TJP3: variants seen among roughly 807,000 people sequenced by gnomAD.
The protein encoded by TJP3 is tight junction protein 3.
In TJP3, 85 loss-of-function variants were observed where a neutral mutation model predicts 104.2. The ratio of observed to expected loss-of-function variants is 0.82; its 90% CI spans 0.68 to 0.98. The LOEUF is 0.98. TJP3 is among the 50% of genes least tolerant of loss of function. TJP3 has a pLI of 0.00. For synonymous variants in TJP3, 550 were observed against 550.6 expected (o/e 1.00, Z 0.02); for missense variants, 1,367 against 1,322.8 (o/e 1.03, Z -0.52).
Position 3,740,728 on chromosome 19 carries a change from G to A in TJP3, c.1808G>A (p.Arg603His), listed in dbSNP as rs781034609. 8.1e-6 allele frequency: 13 copies of A among 1,595,566 alleles called. No homozygotes were observed. The highest frequency in any genetic ancestry group is 1.1e-5 in the South Asian group (1 of 89,496). ...CTCTCAGCTCTGACCCGACAGGGCC[G>A]CTACCCGCCCTACGAACGAGTGGTG... is the stretch of plus-strand genomic sequence containing the variant. Reference protein sequence around the residue: ...EDLSALTRQGRYPPYERVVLR... With the variant: ...EDLSALTRQGHYPPYERVVLR... Residue 603 changes from arginine to histidine, a missense_variant, in exon 14 of 21, where the codon CGC becomes CAC. Coordinates refer to ENST00000541714, the MANE Select transcript of TJP3 (RefSeq NM_001267560.2).
chr19:3,750,747 C>T lies in TJP3; in HGVS notation c.*63C>T. On this transcript the variant is annotated 3_prime_UTR_variant, in exon 21 of 21. Coordinates refer to ENST00000541714, the MANE Select transcript of TJP3 (RefSeq NM_001267560.2). ...CCTCCCTGGGGCTGGGACTCAGTTT[C>T]CCATACAGAACCCACAACCTTACCT... 1 of 1,408,404 alleles carries T rather than the reference C, an allele frequency of 7.1e-7. No individual in the cohort carries two copies. The highest frequency in any genetic ancestry group is 9.8e-7 in the Non-Finnish European group (1 of 1,015,780). 87.2% of individuals were successfully genotyped at this position (1,408,404 alleles called of 1,614,324 possible).
At position 3,710,109 on chromosome 19, in the gene TJP3, A is replaced by G. The variant is rs562452848; in HGVS notation, c.-10+1548A>G. Among the ~76,000 whole-genome samples the G allele has an allele frequency of 7.9e-5, 11 of 138,582 alleles. No individual in the cohort carries two copies. In the South Asian group the frequency reaches 2.7e-3, roughly 35 times the overall value. The allele number at this position is 138,582 out of a possible 152,430, so 90.9% of individuals were successfully genotyped here. A position where few individuals can be genotyped will look rare whatever the true frequency, so the allele number is the denominator to read the frequency against. ...GGTTGCAGTGAGCCGAGATTGTGCC[A>G]CTGCACTCCAGCCTGGACAACAGAG... On this transcript the variant is annotated intron_variant, in intron 1 of 20. Coordinates refer to ENST00000541714, the MANE Select transcript of TJP3 (RefSeq NM_001267560.2).
Position 3,746,451 on chromosome 19 carries a change from C to G in TJP3, c.2011-34C>G, listed in dbSNP as rs746077566. 3.1e-6 allele frequency: 5 copies of G among 1,607,210 alleles called. No individual in the cohort carries two copies. In the South Asian group the frequency reaches 4.4e-5, roughly 14 times the overall value. Reference sequence around the variant, plus strand: ...CTCTCTCTGTTTACCCTGCTGCAATCCCCCTCACCCCAACGTCCGCCGGCC... The same window carrying G: ...CTCTCTCTGTTTACCCTGCTGCAATGCCCCTCACCCCAACGTCCGCCGGCC... On this transcript the variant is annotated intron_variant, in intron 16 of 20. Transcript: ENST00000541714. This position sits in a 1 kb window ranked among gnomAD's most constrained non-coding sequence, Gnocchi z 4.1.
chr19:3,731,107 T>C (rs533851877), intron 5 of TJP3, among the ~76,000 whole-genome samples: 1 of 152,338 alleles, frequency 6.6e-6, no homozygotes, highest in African/African-American at 2.4e-5. Flanking sequence ...TAGCTCTTTC[T>C]CTCTGAACCT....
At chr19:3,720,537 G>C (rs1360373756) in intron 1 of TJP3, among the ~76,000 whole-genome samples, 1 of 152,090 alleles carries the variant, frequency 6.6e-6, no homozygotes, top group Non-Finnish European at 1.5e-5. Flanking sequence ...GACTGGATAA[G>C]GCTGGGAAGG....
At chr19:3,743,284 TAAAA>T (rs998931876) in intron 14 of TJP3, among the ~76,000 whole-genome samples, 4 of 151,328 alleles carry the variant, frequency 2.6e-5, no homozygotes, top group South Asian at 2.1e-4. Context: ...GTAAATAAAA[TAAAA>T]GAAAGAAAGG....
intron 3 of TJP3, among the ~76,000 whole-genome samples, chr19:3,729,231 T>G (rs2036638445): frequency 6.6e-6 from 1 of 152,120 alleles, no homozygotes; most frequent in African/African-American, 2.4e-5. Context: ...AGAGCCCTTT[T>G]GGAACATAAA....
chr19:3,713,842 A>T lies in TJP3; in HGVS notation c.-10+5281A>T, dbSNP rs147059997. Among the ~76,000 whole-genome samples, 619 of 149,196 alleles carry T rather than the reference A, an allele frequency of 4.1e-3. 6 individuals are homozygous for T. The highest frequency in any genetic ancestry group is 0.014 in the African/African-American group (583 of 40,384). ...GTGATTCTCCTGCCTCAGCCTCCCG[A>T]GTAGCTGGGACTACAGGCGCCCGCC... On this transcript the variant is annotated intron_variant, in intron 1 of 20. Coordinates refer to ENST00000541714, the MANE Select transcript of TJP3 (RefSeq NM_001267560.2).
chr19:3,713,362 C>A (rs1021220982), intron 1 of TJP3, among the ~76,000 whole-genome samples: 1 of 152,240 alleles, frequency 6.6e-6, no homozygotes, highest in Non-Finnish European at 1.5e-5. Context: ...AGGGAAACAG[C>A]TGGTCCCCAA....
chr19:3,746,424 TTC>T lies in TJP3; in HGVS notation c.2011-53_2011-52del, dbSNP rs1046644636. 1.1e-5 allele frequency: 17 copies of T among 1,560,214 alleles called. No homozygotes were observed. Among genetic ancestry groups the T allele is most frequent in the African/African-American group, 5.4e-5 (4 of 73,792 alleles). On this transcript the variant is annotated intron_variant, in intron 16 of 20. Coordinates refer to ENST00000541714, the MANE Select transcript of TJP3 (RefSeq NM_001267560.2). This position sits in a 1 kb window ranked among gnomAD's most constrained non-coding sequence, Gnocchi z 4.1. ...CCTCAGACTCTTCATCTTTCTATCTTTCTCTCTCTGTTTACCCTGCTGCAATC... is the reference window on the plus strand; with the variant it reads ...CCTCAGACTCTTCATCTTTCTATCTTTCTCTCTGTTTACCCTGCTGCAATC...
At chr19:3,745,602 GAT>G (rs1466089900) in intron 15 of TJP3, among the ~76,000 whole-genome samples, 1 of 152,234 alleles carries the variant, frequency 6.6e-6, no homozygotes, top group Non-Finnish European at 1.5e-5. Context: ...CTAGAAGACA[GAT>G]AGGGGCAAGA....
At chr19:3,735,095 G>C (rs2036721578) in intron 8 of TJP3, among the ~76,000 whole-genome samples, 1 of 151,886 alleles carries the variant, frequency 6.6e-6, no homozygotes, top group Non-Finnish European at 1.5e-5. Flanking sequence ...TGAACTCCTG[G>C]GCTCAAGCAT....
chr19:3,750,665 G>A lies in TJP3; in HGVS notation c.2741G>A (p.Gly914Asp), dbSNP rs1172359505. The A allele has an allele frequency of 4.4e-6, 7 of 1,603,114 alleles. No homozygotes were observed. The African/African-American group carries it at 5.3e-5, about 12-fold the overall frequency. Residue 914 changes from glycine to aspartate, a missense_variant, in exon 21 of 21, where the codon GGT (glycine) becomes GAT (aspartate). Coordinates refer to ENST00000541714, the MANE Select transcript of TJP3 (RefSeq NM_001267560.2). The stretch of plus-strand genomic sequence containing the variant: ...TCCGATGAAGACGGCTATGACTGGG[G>A]TCCGGCCACTGACCTGTGACCTCTC... ...ESSDEDGYDW[G>D]PATDL is the part of the protein sequence containing the mutation.
At chr19:3,710,925 A>G (rs1421310343) in intron 1 of TJP3, among the ~76,000 whole-genome samples, 1 of 151,860 alleles carries the variant, frequency 6.6e-6, no homozygotes, top group Non-Finnish European at 1.5e-5. Flanking sequence ...TTTTTTTGAA[A>G]CGGAGTCTCG....
At chr19:3,717,702 G>A (rs1299826730) in intron 1 of TJP3, among the ~76,000 whole-genome samples, 1 of 152,038 alleles carries the variant, frequency 6.6e-6, no homozygotes, top group Non-Finnish European at 1.5e-5. Flanking sequence ...CCAGAGTGCT[G>A]GGATGACAGG....
intron 19 of TJP3, among the ~76,000 whole-genome samples, chr19:3,748,800 C>T (rs1383563220): frequency 2.5e-4 from 34 of 138,618 alleles, no homozygotes; most frequent in African/African-American, 6.9e-4. Flanking sequence ...ACTCCAGCCT[C>T]GGCCTCCCAA....
At chr19:3,744,970 G>A (rs996382016) in intron 15 of TJP3, among the ~76,000 whole-genome samples, 1 of 151,780 alleles carries the variant, frequency 6.6e-6, no homozygotes, top group Non-Finnish European at 1.5e-5. Flanking sequence ...AATTTTGGCT[G>A]GGTGTGGTGG....
intron 11 of TJP3, 79 bp from the exon 12 acceptor site, chr19:3,738,476 C>A: frequency 7.7e-7 from 1 of 1,305,668 alleles, no homozygotes; most frequent in Non-Finnish European, 1.1e-6. Context: ...CTGAGTTTTG[C>A]CCAGAGGAAG....
At chr19:3,716,797 A>T (rs1195169756) in intron 1 of TJP3, among the ~76,000 whole-genome samples, 892 of 67,780 alleles carry the variant, frequency 0.013, 17 homozygotes, top group African/African-American at 0.031. Context: ...ATATATATAT[A>T]TATATTTTTT....
Sources: gnomAD v4.1 joint callset for allele counts (sites outside exome capture counted in the v4.1 genomes callset) on GRCh38, gnomAD v4.1.1 for gene constraint, Gnocchi (gnomAD v3.1) non-coding constraint, MANE v1.5 for transcripts, NCBI Gene and HGNC (gene_info 2026-07-23, HGNC 2026-07-21) for gene names.